The following EBF1 variants were observed in gnomAD, a reference collection of about 807,000 sequenced individuals.
EBF1 encodes EBF transcription factor 1, also known as transcription factor COE1.
A neutral mutation model predicts 68.4 loss-of-function variants in EBF1; 10 were observed. The observed-to-expected ratio is 0.15, with a 90% CI of 0.09 to 0.25. The LOEUF is 0.25. EBF1 is among the 10% of genes least tolerant of loss of function. EBF1 has a pLI of 1.00. For missense variants in EBF1, 509 were observed against 794.4 expected (o/e 0.64, Z 4.32); for synonymous variants, 298 against 299.8 (o/e 0.99, Z 0.06).
chr5:158,794,990 T>A (rs1209390683), intron 9 of EBF1, among the ~76,000 whole-genome samples: 1 of 152,208 alleles, frequency 6.6e-6, no homozygotes, highest in East Asian at 1.9e-4. Context: ...ACTTTGATTC[T>A]ACGACCAAAT....
intron 6 of EBF1, among the ~76,000 whole-genome samples, chr5:159,025,178 A>T (rs1435831478): frequency 6.6e-6 from 1 of 152,190 alleles, no homozygotes; most frequent in Non-Finnish European, 1.5e-5. Flanking sequence ...GTCAAAGGGG[A>T]CTGAAAGTGA....
At chr5:158,725,240 T>C (rs10515771) in intron 11 of EBF1, among the ~76,000 whole-genome samples, 36,583 of 152,040 alleles carry the variant, frequency 0.24, 5,783 homozygotes, top group African/African-American at 0.45. Flanking sequence ...GATACTATGG[T>C]GCTTGACATT....
At chr5:158,903,687 A>C (rs1803942090) in intron 6 of EBF1, among the ~76,000 whole-genome samples, 1 of 152,200 alleles carries the variant, frequency 6.6e-6, no homozygotes. Flanking sequence ...CACTTCTACA[A>C]ATAGACACTT....
chr5:158,805,309 T>C (rs750373960), intron 8 of EBF1, among the ~76,000 whole-genome samples: 30 of 152,180 alleles, frequency 2.0e-4, no homozygotes, highest in Non-Finnish European at 2.8e-4. Flanking sequence ...TCTGTGACGC[T>C]AATCTTGGCT....
chr5:158,978,222 G>A (rs909065177), intron 6 of EBF1, among the ~76,000 whole-genome samples: 24 of 152,218 alleles, frequency 1.6e-4, no homozygotes, highest in African/African-American at 5.3e-4. Context: ...GCCCCGGTGC[G>A]CCCTGACCCC....
At chr5:158,737,691 A>C (rs548475168) in intron 10 of EBF1, among the ~76,000 whole-genome samples, 2 of 152,246 alleles carry the variant, frequency 1.3e-5, no homozygotes, top group African/African-American at 2.4e-5. Flanking sequence ...AGGCACAATC[A>C]GAGGTATTAG....
chr5:158,739,979 TG>T (rs1397071376), intron 10 of EBF1, among the ~76,000 whole-genome samples: 3 of 152,190 alleles, frequency 2.0e-5, no homozygotes, highest in Non-Finnish European at 4.4e-5. Context: ...CAATCATGCT[TG>T]GATTTTCTGA....
chr5:158,916,748 A>G (rs1207576827), intron 6 of EBF1, among the ~76,000 whole-genome samples: 2 of 152,116 alleles, frequency 1.3e-5, no homozygotes, highest in African/African-American at 2.4e-5. Context: ...TAATCATGCT[A>G]TAGTTTCCCT....
At chr5:158,738,633 C>T (rs2420211) in intron 10 of EBF1, among the ~76,000 whole-genome samples, 24,717 of 152,082 alleles carry the variant, frequency 0.16, 2,209 homozygotes, top group Non-Finnish European at 0.2. Context: ...CTACAATATG[C>T]CCTTGACGTA....
intron 8 of EBF1, among the ~76,000 whole-genome samples, chr5:158,809,143 C>T (rs1782145283): frequency 6.6e-6 from 1 of 152,134 alleles, no homozygotes; most frequent in South Asian, 2.1e-4. Context: ...GTAGACAGTA[C>T]TCTGCACTCA....
intron 6 of EBF1, among the ~76,000 whole-genome samples, chr5:159,035,344 A>G (rs1769818533): frequency 6.6e-6 from 1 of 152,204 alleles, no homozygotes; most frequent in Admixed American, 6.5e-5. Flanking sequence ...AAAACACCAA[A>G]ATAAGTGAAA....
chr5:158,940,365 G>A (rs534376894), intron 6 of EBF1, among the ~76,000 whole-genome samples: 6 of 152,304 alleles, frequency 3.9e-5, no homozygotes, highest in African/African-American at 1.4e-4. Context: ...TAATAACTGT[G>A]ACAACCTCTA....
intron 6 of EBF1, among the ~76,000 whole-genome samples, chr5:158,885,011 A>C (rs1799742020): frequency 6.6e-6 from 1 of 152,214 alleles, no homozygotes; most frequent in African/African-American, 2.4e-5. Flanking sequence ...GGGGTGCTCC[A>C]GGCAGCAGAT....
At chr5:159,063,007 G>A (rs1244318486) in intron 6 of EBF1, among the ~76,000 whole-genome samples, 9 of 152,184 alleles carry the variant, frequency 5.9e-5, no homozygotes, top group Non-Finnish European at 5.9e-5. Context: ...TAATGGCAGT[G>A]CCATTTCACT....
chr5:159,047,739 C>A (rs1184145838), intron 6 of EBF1, among the ~76,000 whole-genome samples: 2 of 152,282 alleles, frequency 1.3e-5, no homozygotes, highest in South Asian at 2.1e-4. Flanking sequence ...CAGCCCCAAC[C>A]CTTTTGTACC....
At chr5:158,728,901 C>G (rs1350164621) in intron 11 of EBF1, among the ~76,000 whole-genome samples, 19 of 152,184 alleles carry the variant, frequency 1.2e-4, no homozygotes, top group Admixed American at 1.2e-3. Flanking sequence ...AGATGCTATG[C>G]CAAGGGCACC....
At chr5:158,844,463 A>G (rs896566384) in intron 6 of EBF1, among the ~76,000 whole-genome samples, 1 of 152,208 alleles carries the variant, frequency 6.6e-6, no homozygotes, top group African/African-American at 2.4e-5. Flanking sequence ...AAATTGACCG[A>G]AAGGACTAGT....
chr5:159,057,193 G>A (rs987956371), intron 6 of EBF1, among the ~76,000 whole-genome samples: 12 of 140,236 alleles, frequency 8.6e-5, no homozygotes, highest in South Asian at 4.7e-4. Flanking sequence ...TGCAACCTCC[G>A]CCTCCTGGGT....
chr5:158,766,950 T>C (rs1333605729), intron 10 of EBF1, among the ~76,000 whole-genome samples: 1 of 152,140 alleles, frequency 6.6e-6, no homozygotes, highest in Non-Finnish European at 1.5e-5. Context: ...ACTAAAAAGA[T>C]TAGAGGTTCA....
Sources: gnomAD v4.1 joint callset for allele counts (sites outside exome capture counted in the v4.1 genomes callset) on GRCh38, gnomAD v4.1.1 for gene constraint, MANE v1.5 for transcripts, NCBI Gene and HGNC (gene_info 2026-07-23, HGNC 2026-07-21) for gene names.